PPARGC1A: variants seen among roughly 807,000 people sequenced by gnomAD.
The protein encoded by PPARGC1A is peroxisome proliferator-activated receptor gamma coactivator 1-alpha.
Under a neutral mutation model 88.7 loss-of-function variants are expected in PPARGC1A, and 25 were observed. That is an observed-to-expected ratio of 0.28 (90% CI 0.21 to 0.39). The LOEUF (loss-of-function observed/expected upper bound fraction) is 0.39, where lower values mean the gene tolerates loss of function less well. PPARGC1A is among the 10% of genes least tolerant of loss of function. The probability of loss-of-function intolerance (pLI) is 1.00; values close to 1 mark genes in which losing one functional copy is unlikely to be tolerated. For missense variants in PPARGC1A, 880 were observed against 968.7 expected (o/e 0.91, Z 1.22); for synonymous variants, 363 against 355.6 (o/e 1.02, Z -0.24).
chr4:23,945,326 A>G, the PPARGC1A span, among the ~76,000 whole-genome samples: 1 of 152,342 alleles, frequency 6.6e-6, no homozygotes, highest in South Asian at 2.1e-4. Flanking sequence ...GAAAAAGAAA[A>G]TAAATAAACA....
the PPARGC1A span, among the ~76,000 whole-genome samples, chr4:24,086,580 G>T: frequency 1.2e-4 from 18 of 152,170 alleles, no homozygotes; most frequent in Non-Finnish European, 2.5e-4. Context: ...GGAGCATTTT[G>T]TGGTTGTCCT....
the PPARGC1A span, among the ~76,000 whole-genome samples, chr4:24,195,143 G>A: frequency 0.93 from 141,854 of 152,246 alleles, 66,179 homozygotes; most frequent in Middle Eastern, 0.98. Context: ...GGAAACAGTG[G>A]AGAGTACAGA....
chr4:23,861,905 A>G (rs964310651), intron 2 of PPARGC1A, among the ~76,000 whole-genome samples: 3 of 152,224 alleles, frequency 2.0e-5, no homozygotes, highest in African/African-American at 7.2e-5. Context: ...TAGTATGAAG[A>G]CATGCCCAAG....
At chr4:24,245,860 GC>G in the PPARGC1A span, among the ~76,000 whole-genome samples, 1 of 82,374 alleles carries the variant, frequency 1.2e-5, no homozygotes, top group Admixed American at 1.4e-4. Context: ...TAATTAAATT[GC>G]TGCTATTTGT....
chr4:24,035,468 GAGA>G, the PPARGC1A span, among the ~76,000 whole-genome samples: 9 of 152,132 alleles, frequency 5.9e-5, 1 homozygote, highest in South Asian at 1.9e-3. Context: ...TTGAACCTGG[GAGA>G]AGGAGGTTGG....
the PPARGC1A span, among the ~76,000 whole-genome samples, chr4:24,377,313 A>T: frequency 2.0e-5 from 3 of 152,184 alleles, no homozygotes; most frequent in Middle Eastern, 3.4e-3. Flanking sequence ...ATCAGGGAGG[A>T]AGCTAGAAAG....
chr4:23,838,816 T>A (rs993152564), intron 2 of PPARGC1A, among the ~76,000 whole-genome samples: 1 of 152,176 alleles, frequency 6.6e-6, no homozygotes, highest in Non-Finnish European at 1.5e-5. Context: ...CAAGTTTATA[T>A]CTCAAGCACA....
the PPARGC1A span, among the ~76,000 whole-genome samples, chr4:24,234,018 G>A: frequency 3.3e-5 from 5 of 152,158 alleles, no homozygotes; most frequent in African/African-American, 7.2e-5. Context: ...TGACAGGGTC[G>A]GGAAAACCAA....
chr4:24,091,540 T>C, the PPARGC1A span: 1 of 985,426 alleles, frequency 1.0e-6, no homozygotes, highest in Middle Eastern at 5.2e-4. Flanking sequence ...CATCCATTGC[T>C]GATGCTGCTT....
the PPARGC1A span, among the ~76,000 whole-genome samples, chr4:24,012,373 T>C: frequency 1.3e-5 from 2 of 152,080 alleles, no homozygotes; most frequent in Non-Finnish European, 2.9e-5. Flanking sequence ...CCTGAACATA[T>C]TATGCTCTGG....
At chr4:23,977,545 A>T in the PPARGC1A span, among the ~76,000 whole-genome samples, 1 of 152,216 alleles carries the variant, frequency 6.6e-6, no homozygotes, top group Non-Finnish European at 1.5e-5. Flanking sequence ...ATAAATGGAT[A>T]GCTCTATCAT....
the PPARGC1A span, among the ~76,000 whole-genome samples, chr4:24,210,065 A>G: frequency 6.6e-6 from 1 of 152,172 alleles, no homozygotes; most frequent in Non-Finnish European, 1.5e-5. Flanking sequence ...CACCTAGCAC[A>G]TAGTAATTGC....
intron 7 of PPARGC1A, among the ~76,000 whole-genome samples, chr4:23,819,236 G>T (rs1722551770): frequency 6.6e-6 from 1 of 152,092 alleles, no homozygotes; most frequent in African/African-American, 2.4e-5. Flanking sequence ...GGACTCACTG[G>T]AGCTCCACAA....
At chr4:23,800,180 A>G (rs1315437840) in intron 12 of PPARGC1A, among the ~76,000 whole-genome samples, 1 of 152,206 alleles carries the variant, frequency 6.6e-6, no homozygotes, top group East Asian at 1.9e-4. Flanking sequence ...ACCAACCCAG[A>G]GAAAGTGCAT....
chr4:23,938,036 T>C, the PPARGC1A span, among the ~76,000 whole-genome samples: 1 of 152,024 alleles, frequency 6.6e-6, no homozygotes, highest in Non-Finnish European at 1.5e-5. Context: ...CTAATGCTGT[T>C]GTGGCAGATG....
At chr4:24,292,427 G>A in the PPARGC1A span, among the ~76,000 whole-genome samples, 1 of 151,802 alleles carries the variant, frequency 6.6e-6, no homozygotes, top group East Asian at 1.9e-4. Flanking sequence ...CCCTTTCCTG[G>A]AGAAGCATCA....
At chr4:23,866,045 C>T (rs1369839540) in intron 2 of PPARGC1A, 1 of 152,064 alleles carries the variant, frequency 6.6e-6, no homozygotes, top group Non-Finnish European at 1.5e-5. Flanking sequence ...TATATAGAGA[C>T]AGACAGACAA....
the PPARGC1A span, among the ~76,000 whole-genome samples, chr4:24,200,083 T>G: frequency 6.6e-6 from 1 of 151,790 alleles, no homozygotes; most frequent in South Asian, 2.1e-4. Context: ...GAGAAATAGA[T>G]TGAGATGATA....
the PPARGC1A span, among the ~76,000 whole-genome samples, chr4:24,239,122 T>C: frequency 6.6e-6 from 1 of 152,142 alleles, no homozygotes; most frequent in South Asian, 2.1e-4. Flanking sequence ...CACAGAAGCT[T>C]GCACTGGAAA....
Sources: gnomAD v4.1 joint callset for allele counts (sites outside exome capture counted in the v4.1 genomes callset) on GRCh38, gnomAD v4.1.1 for gene constraint, MANE v1.5 for transcripts, NCBI Gene and HGNC (gene_info 2026-07-23, HGNC 2026-07-21) for gene names.